The following FYB2 variants were observed in gnomAD, a reference collection of about 807,000 sequenced individuals.
FYB2 encodes the protein FYN-binding protein 2.
A neutral mutation model predicts 94.1 loss-of-function variants in FYB2; 103 were observed. That is an observed-to-expected ratio of 1.09 (90% CI 0.93 to 1.29). The LOEUF (loss-of-function observed/expected upper bound fraction) is 1.29. Ranked by LOEUF, FYB2 falls within the 50% of genes most tolerant of loss-of-function variation. FYB2 has a pLI of 0.00. For synonymous variants in FYB2, 293 were observed against 287.9 expected (o/e 1.02, Z -0.18); for missense variants, 896 against 841.5 (o/e 1.06, Z -0.80).
At chr1:56,799,647 G>A (rs1013313673) in intron 1 of FYB2, among the ~76,000 whole-genome samples, 1 of 152,180 alleles carries the variant, frequency 6.6e-6, no homozygotes, top group African/African-American at 2.4e-5. Flanking sequence ...ACAAAACTCA[G>A]TATTATACCC....
chr1:56,774,293 G>T (rs1345464767), intron 4 of FYB2, among the ~76,000 whole-genome samples: 1 of 152,108 alleles, frequency 6.6e-6, no homozygotes, highest in African/African-American at 2.4e-5. Context: ...TTCGACCTAA[G>T]TCTCTTCACC....
chr1:56,732,309 C>T (rs113711622), intron 15 of FYB2, among the ~76,000 whole-genome samples: 121 of 152,204 alleles, frequency 7.9e-4, no homozygotes, highest in African/African-American at 2.8e-3. Context: ...AATGACACAA[C>T]ACTGATGAAA....
intron 4 of FYB2, among the ~76,000 whole-genome samples, chr1:56,785,181 G>GA (rs1470629640): frequency 6.6e-6 from 1 of 152,180 alleles, no homozygotes; most frequent in African/African-American, 2.4e-5. Context: ...CCTCCATGTT[G>GA]AAACAGATTG....
At chr1:56,765,133 T>A (rs1367030436) in intron 5 of FYB2, among the ~76,000 whole-genome samples, 2 of 152,170 alleles carry the variant, frequency 1.3e-5, no homozygotes, top group Non-Finnish European at 2.9e-5. Flanking sequence ...GGAGTTTGGC[T>A]CTCCAGTAGG....
chr1:56,719,314 A>G lies in FYB2; in HGVS notation c.*357T>C, dbSNP rs1644442100. Reference sequence around the variant, plus strand: ...TTACAAATGCTCATATACTAATATTAGAAGCAAACTAACCATCTGCACAAC... The same window carrying G: ...TTACAAATGCTCATATACTAATATTGGAAGCAAACTAACCATCTGCACAAC... On this transcript the variant is annotated 3_prime_UTR_variant, in exon 20 of 20. Transcript: ENST00000343433. 1 of 198,628 alleles carries G rather than the reference A, an allele frequency of 5.0e-6. No individual in the cohort carries two copies. The highest frequency in any genetic ancestry group is 2.3e-5 in the African/African-American group (1 of 43,020). The allele number at this position is 198,628 out of a possible 1,614,324, so 12.3% of individuals were successfully genotyped here.
chr1:56,815,248 G>T (rs1036079181), intron 1 of FYB2, among the ~76,000 whole-genome samples: 3 of 151,822 alleles, frequency 2.0e-5, no homozygotes, highest in Admixed American at 2.0e-4. Flanking sequence ...TCACTCGAGC[G>T]TTCCCTGATG....
upstream of FYB2, chr1:56,819,472 TG>T: frequency 1.2e-6 from 1 of 845,592 alleles, no homozygotes; most frequent in Non-Finnish European, 1.8e-6. Context: ...TGCCTGGGGC[TG>T]GGCCAGGGCC....
chr1:56,737,113 A>T lies in FYB2; in HGVS notation c.1767T>A (p.Asp589Glu). ...LKSQEVIIYD[D>E]VDLSEKESKD... ...TTGACTCTTTTTCACTCAGGTCTAC[A>T]TCATCATAAATAATAACTTCCTGAG... Residue 589 changes from aspartate (D) to glutamate (E), a missense_variant, in exon 15 of 20, where the codon GAT becomes GAA. By Grantham distance (45) the Asp-to-Glu change is conservative. Coordinates refer to ENST00000343433, the MANE Select transcript of FYB2 (RefSeq NM_001004303.5). The T allele has an allele frequency of 6.2e-7, 1 of 1,606,792 alleles. No homozygotes were observed. Among genetic ancestry groups the T allele is most frequent in the Non-Finnish European group, 8.5e-7 (1 of 1,175,232 alleles).
intron 5 of FYB2, 26 bp from the exon 6 acceptor site, chr1:56,758,776 T>C: frequency 6.4e-7 from 1 of 1,564,010 alleles, no homozygotes; most frequent in Non-Finnish European, 8.7e-7. Flanking sequence ...AAAAATTATT[T>C]CAAGGCAGCT....
chr1:56,774,611 C>T (rs1235205144), intron 4 of FYB2, among the ~76,000 whole-genome samples: 2 of 151,984 alleles, frequency 1.3e-5, no homozygotes, highest in Admixed American at 6.6e-5. Flanking sequence ...TACATGTATA[C>T]ACGCATACAC....
At chr1:56,753,613 A>G (rs1324613342) in intron 8 of FYB2, among the ~76,000 whole-genome samples, 1 of 152,086 alleles carries the variant, frequency 6.6e-6, no homozygotes, top group Non-Finnish European at 1.5e-5. Context: ...GTTGGACTTA[A>G]TCTAGTCCCA....
At chr1:56,766,265 G>T (rs1645620559) in intron 5 of FYB2, among the ~76,000 whole-genome samples, 1 of 152,210 alleles carries the variant, frequency 6.6e-6, no homozygotes, top group East Asian at 1.9e-4. Context: ...TCTAAAGAAG[G>T]GGTCCATATA....
chr1:56,766,059 G>A (rs565002404), intron 5 of FYB2, among the ~76,000 whole-genome samples: 1 of 152,162 alleles, frequency 6.6e-6, no homozygotes, highest in Non-Finnish European at 1.5e-5. Flanking sequence ...AGGACATATA[G>A]TTGGAACGTG....
At chr1:56,800,603 T>C (rs1412505119) in intron 1 of FYB2, among the ~76,000 whole-genome samples, 1 of 152,198 alleles carries the variant, frequency 6.6e-6, no homozygotes, top group Admixed American at 6.5e-5. Flanking sequence ...ATGTGTGACC[T>C]TGAACATGCT....
intron 4 of FYB2, among the ~76,000 whole-genome samples, chr1:56,782,705 A>G (rs1000847363): frequency 6.6e-6 from 1 of 152,130 alleles, no homozygotes; most frequent in African/African-American, 2.4e-5. Context: ...TCAAAGTGAA[A>G]ACACAAAATT....
chr1:56,781,144 T>A (rs1367114744), intron 4 of FYB2, among the ~76,000 whole-genome samples: 2 of 152,190 alleles, frequency 1.3e-5, no homozygotes, highest in Non-Finnish European at 2.9e-5. Context: ...TAGCCTTAAG[T>A]GATTCTGTTG....
chr1:56,799,943 T>C (rs1043384528), intron 1 of FYB2, among the ~76,000 whole-genome samples: 6 of 152,174 alleles, frequency 3.9e-5, no homozygotes, highest in African/African-American at 1.4e-4. Context: ...TAAAGTAAGT[T>C]CCAAAAGGAG....
At chr1:56,813,020 G>C (rs1646802182) in intron 1 of FYB2, among the ~76,000 whole-genome samples, 1 of 152,146 alleles carries the variant, frequency 6.6e-6, no homozygotes, top group African/African-American at 2.4e-5. Context: ...GGTTGTTGGG[G>C]AAGGATCTGT....
At chr1:56,763,481 T>C (rs1645548260) in intron 5 of FYB2, among the ~76,000 whole-genome samples, 1 of 152,160 alleles carries the variant, frequency 6.6e-6, no homozygotes, top group East Asian at 1.9e-4. Context: ...TTGTGGTAAT[T>C]TGTGCTTTTT....
Sources: allele counts gnomAD v4.1 joint callset (sites outside exome capture counted in the v4.1 genomes callset), GRCh38; gene constraint gnomAD v4.1.1; transcripts MANE v1.5; gene names NCBI Gene and HGNC (gene_info 2026-07-23, HGNC 2026-07-21).